The following TACC3 variants were observed in gnomAD, a reference collection of about 807,000 sequenced individuals.
The protein encoded by TACC3 is transforming acidic coiled-coil containing protein 3.
A neutral mutation model predicts 86.0 loss-of-function variants in TACC3; 52 were observed. The ratio of observed to expected loss-of-function variants is 0.60; its 90% CI spans 0.48 to 0.76. The LOEUF (loss-of-function observed/expected upper bound fraction) is 0.76, where lower values mean the gene tolerates loss of function less well. Among genes scored for constraint, TACC3 ranks in the 30% least tolerant of loss-of-function variants. TACC3 has a pLI of 0.00. For synonymous variants in TACC3, 512 were observed against 430.0 expected, an observed-to-expected ratio of 1.19 and a Z score of -2.36; for missense variants, 1,120 against 1,070.4, an observed-to-expected ratio of 1.05 and a Z score of -0.65.
chr4:1,731,333 T>C, intron 6 of TACC3, 32 bp downstream of exon 6: 4 of 1,610,500 alleles, frequency 2.5e-6, no homozygotes, highest in African/African-American at 1.3e-5. Flanking sequence ...TCACACACAG[T>C]CTGCCCGGAG....
At position 1,730,890 on chromosome 4, in the gene TACC3, G is replaced by A. The variant is rs775607157; in HGVS notation, c.1389G>A (p.Gln463=). ...TCTGCTGACTCTGTCTCCCCAGGCA[G>A]CTGCATTCAGCCTCAGCGGAGGACA... ...TEEPGPCLSQ[Q]LHSASAEDTP... Residue 463 remains glutamine, a synonymous_variant, in exon 5 of 16, where the codon CAG becomes CAA. Coordinates refer to ENST00000313288, the MANE Select transcript of TACC3 (RefSeq NM_006342.3). 6.2e-6 allele frequency: 10 copies of A among 1,613,198 alleles called. No individual in the cohort carries two copies. In the South Asian group the frequency reaches 9.9e-5, roughly 16 times the overall value.
At position 1,739,102 on chromosome 4, in the gene TACC3, A is replaced by C. The variant is rs571230534; in HGVS notation, c.1942-600A>C. Among the ~76,000 whole-genome samples, 5 of 152,232 alleles carry C rather than the reference A, an allele frequency of 3.3e-5. No individual in the cohort carries two copies. In the East Asian group the frequency reaches 9.7e-4, roughly 29 times the overall value. ...GGTGGGCGGATCACGAGGTCAAGAGATGGAGACCATCCTGGCTAACACGGT... is the reference window on the plus strand; with the variant it reads ...GGTGGGCGGATCACGAGGTCAAGAGCTGGAGACCATCCTGGCTAACACGGT... On this transcript the variant is annotated intron_variant, in intron 10 of 15. Coordinates refer to ENST00000313288, the MANE Select transcript of TACC3 (RefSeq NM_006342.3).
intron 2 of TACC3, 62 bp downstream of exon 2, chr4:1,723,645 A>G (rs1255319015): frequency 6.2e-7 from 1 of 1,608,468 alleles, no homozygotes; most frequent in African/African-American, 1.3e-5. Context: ...TTTCTTGGTG[A>G]CCTCTGAGCT....
intron 10 of TACC3, 87 bp from the exon 11 acceptor site, chr4:1,739,615 G>T (rs907152407): frequency 1.6e-6 from 2 of 1,258,402 alleles, no homozygotes; most frequent in East Asian, 2.6e-5. Context: ...CAGGGACCTC[G>T]GGTGCGGGCT....
In TACC3 at chr4:1,739,766, A is replaced by T. The variant is rs1718477466; in HGVS notation, c.2006A>T (p.Asn669Ile). The T allele has an allele frequency of 1.3e-6, 2 of 1,586,052 alleles. No individual in the cohort carries two copies. Among genetic ancestry groups the T allele is most frequent in the Non-Finnish European group, 1.7e-6 (2 of 1,167,276 alleles). ...AGGTGTGAGGAGCTCCACGGGAAGA[A>T]CCTGGAACTGGGGTAAGGAGGCCCC... ...RSRCEELHGK[N>I]LELGKIMDRF... Residue 669 changes from asparagine (N) to isoleucine (I), a missense_variant, in exon 11 of 16, where the codon AAC becomes ATC. By Grantham distance (149) the Asn-to-Ile change is moderately radical (BLOSUM62 -3). Transcript: ENST00000313288.
Position 1,728,653 on chromosome 4 carries a change from G to C in TACC3, c.1251G>C (p.Pro417=). Residue 417 remains proline, a synonymous_variant, in exon 4 of 16, where the codon CCG becomes CCC. Coordinates refer to ENST00000313288, the MANE Select transcript of TACC3 (RefSeq NM_006342.3). ...WDKMDDPNFI[P]FGGDTKSGCS... is the part of the protein sequence containing the mutation. ...AAATGGATGACCCAAACTTCATCCC[G>C]TTCGGAGGTGACACCAAGTCTGGTT... 2 of 1,613,860 alleles carry C rather than the reference G, an allele frequency of 1.2e-6. No homozygotes were observed. Among genetic ancestry groups the C allele is most frequent in the South Asian group, 2.2e-5 (2 of 91,082 alleles).
chr4:1,728,465 A>G lies in TACC3; in HGVS notation c.1063A>G (p.Arg355Gly), dbSNP rs1460581412. 1.7e-5 allele frequency: 27 copies of G among 1,613,748 alleles called. No individual in the cohort carries two copies. The highest frequency in any genetic ancestry group is 2.0e-5 in the Non-Finnish European group (24 of 1,180,004). Reference sequence around the variant, plus strand: ...CACCAGCAAAAGGGCACCCCCACCAAGGAGACTGGGAGAGAGGTCCGGCCT... The same window carrying G: ...CACCAGCAAAAGGGCACCCCCACCAGGGAGACTGGGAGAGAGGTCCGGCCT... The part of the protein sequence containing the change: ...GATSKRAPPP[R>G]RLGERSGLKP... The change falls in exon 4 of 16, where the codon AGG (arginine) becomes GGG (glycine). Residue 355 changes from arginine to glycine, a missense_variant. Arg to Gly is a moderately radical substitution (Grantham distance 125, BLOSUM62 -2). Transcript: ENST00000313288.
At position 1,730,906 on chromosome 4, in the gene TACC3, G is replaced by A. The variant is rs969798094; in HGVS notation, c.1405G>A (p.Ala469Thr). ...CLSQQLHSASAEDTPVVQLAA... is the reference protein window; with the variant it reads ...CLSQQLHSASTEDTPVVQLAA... ...CCCCAGGCAGCTGCATTCAGCCTCA[G>A]CGGAGGACACGCCTGTGGTGCAGTT... Residue 469 changes from alanine (A) to threonine (T), a missense_variant, in exon 5 of 16, where the codon GCG (alanine) becomes ACG (threonine). Coordinates refer to ENST00000313288, the MANE Select transcript of TACC3 (RefSeq NM_006342.3). 3.1e-6 allele frequency: 5 copies of A among 1,613,246 alleles called. No individual in the cohort carries two copies. The African/African-American group carries it at 5.3e-5, about 17-fold the overall frequency.
intron 4 of TACC3, 65 bp from the exon 5 acceptor site, chr4:1,730,822 T>C: frequency 6.5e-7 from 1 of 1,539,462 alleles, no homozygotes; most frequent in South Asian, 1.1e-5. Flanking sequence ...AGCTCAGTGC[T>C]GGAGCAGGGG....
At chr4:1,722,771 C>T (rs549691286) in intron 1 of TACC3, among the ~76,000 whole-genome samples, 26 of 152,200 alleles carry the variant, frequency 1.7e-4, no homozygotes, top group Non-Finnish European at 3.1e-4. Flanking sequence ...GCGTGAGGAC[C>T]TGGGCAGCCC....
chr4:1,740,312 G>A, intron 12 of TACC3: 3 of 514,970 alleles, frequency 5.8e-6, no homozygotes, highest in East Asian at 3.3e-5. Context: ...ACTCCACCCT[G>A]CCCTCGCCGT....
At chr4:1,729,494 T>C (rs1306450726) in intron 4 of TACC3, among the ~76,000 whole-genome samples, 4 of 152,170 alleles carry the variant, frequency 2.6e-5, no homozygotes, top group African/African-American at 9.7e-5. Context: ...TCTCCAATGA[T>C]AGGTCAGGTC....
At chr4:1,737,167 G>A (rs1718312684) in intron 8 of TACC3, 74 bp from the exon 9 acceptor site, 8 of 1,253,844 alleles carry the variant, frequency 6.4e-6, no homozygotes, top group Non-Finnish European at 9.3e-6. Context: ...CGGTTAGCTT[G>A]TCCACATGGT....
intron 8 of TACC3, among the ~76,000 whole-genome samples, chr4:1,736,180 T>C (rs985833646): frequency 6.6e-6 from 1 of 152,134 alleles, no homozygotes; most frequent in African/African-American, 2.4e-5. Flanking sequence ...TCCCAGCACT[T>C]TGGGAGGCCG....
chr4:1,729,029 C>T (rs1028541400), intron 4 of TACC3, among the ~76,000 whole-genome samples: 3 of 152,188 alleles, frequency 2.0e-5, no homozygotes, highest in Non-Finnish European at 2.9e-5. Flanking sequence ...CCAATAAGGG[C>T]GGGCTCAGGC....
chr4:1,735,610 CGGGGGTGGG>C lies in TACC3; in HGVS notation c.1645-120_1645-112del. 1.2e-6 allele frequency: 1 copy of C among 812,256 alleles called. No individual in the cohort carries two copies. The highest frequency in any genetic ancestry group is 2.1e-6 in the Non-Finnish European group (1 of 484,370). The allele number at this position is 812,256 out of a possible 1,614,324, so 50.3% of individuals were successfully genotyped here. ...TGTCTCGGGCAGGGTTGTGGGTGAC[CGGGGGTGGG>C]AGTGTGCGGGTGACCGGGGGTGGGA... is the stretch of plus-strand genomic sequence containing the variant. On this transcript the variant is annotated intron_variant, in intron 7 of 15. Coordinates refer to ENST00000313288, the MANE Select transcript of TACC3 (RefSeq NM_006342.3). The surrounding 1 kb of genome is among the most constrained non-coding windows in gnomAD (Gnocchi z 4.2).
At position 1,723,426 on chromosome 4, in the gene TACC3, G is replaced by A. The variant is rs1378051861; in HGVS notation, c.5G>A (p.Ser2Asn). 4 of 1,612,846 alleles carry A rather than the reference G, an allele frequency of 2.5e-6. No individual in the cohort carries two copies. In the African/African-American group the frequency reaches 5.3e-5, roughly 22 times the overall value. Residue 2 changes from serine (S) to asparagine (N), a missense_variant, in exon 2 of 16, where the codon AGT becomes AAT. Physicochemically the swap from Ser to Asn is conservative, Grantham distance 46. Coordinates refer to ENST00000313288, the MANE Select transcript of TACC3 (RefSeq NM_006342.3). Reference sequence around the variant, plus strand: ...AACATGTTCTGCTTTTCCAGAATGAGTCTGCAGGTCTTAAACGACAAAAAT... The same window carrying A: ...AACATGTTCTGCTTTTCCAGAATGAATCTGCAGGTCTTAAACGACAAAAAT... The part of the protein sequence containing the change: M[S>N]LQVLNDKNVS...
At chr4:1,733,290 A>G (rs747277031) in intron 6 of TACC3, among the ~76,000 whole-genome samples, 3 of 152,138 alleles carry the variant, frequency 2.0e-5, no homozygotes, top group Admixed American at 6.5e-5. Flanking sequence ...TAAGAGGTAA[A>G]TCCCTTTTAT....
At position 1,740,978 on chromosome 4, in the gene TACC3, T is replaced by A. The variant is rs1718570454; in HGVS notation, c.2215T>A (p.Tyr739Asn). The A allele has an allele frequency of 6.2e-7, 1 of 1,606,002 alleles. No individual in the cohort carries two copies. The highest frequency in any genetic ancestry group is 1.1e-5 in the South Asian group (1 of 89,534). ...FEKQKEVIEG[Y>N]RKNEESLKKC... ...GAAACAGAAAGAGGTGATCGAGGGCTACCGCAAGGTATGTCTCCGCCACCC... is the reference window on the plus strand; with the variant it reads ...GAAACAGAAAGAGGTGATCGAGGGCAACCGCAAGGTATGTCTCCGCCACCC... The change falls in exon 13 of 16, where the codon TAC (tyrosine) becomes AAC (asparagine). Residue 739 changes from tyrosine (Y) to asparagine (N), a missense_variant. Transcript: ENST00000313288.
Sources: gnomAD v4.1 joint callset for allele counts (sites outside exome capture counted in the v4.1 genomes callset) on GRCh38, gnomAD v4.1.1 for gene constraint, Gnocchi (gnomAD v3.1) non-coding constraint, MANE v1.5 for transcripts, NCBI Gene and HGNC (gene_info 2026-07-23, HGNC 2026-07-21) for gene names.